MELK: variants seen among roughly 807,000 people sequenced by gnomAD.
The protein encoded by MELK is maternal embryonic leucine zipper kinase.
Under a neutral mutation model 85.0 loss-of-function variants are expected in MELK, and 81 were observed. The observed-to-expected ratio is 0.95, with a 90% CI of 0.80 to 1.15. The LOEUF is 1.15. Among genes scored for constraint, MELK ranks in the 50% most tolerant of loss-of-function variants. The probability of loss-of-function intolerance (pLI) is 0.00; values close to 1 mark genes in which losing one functional copy is unlikely to be tolerated. For missense variants in MELK, 754 were observed against 777.5 expected, an observed-to-expected ratio of 0.97 and a Z score of 0.36; for synonymous variants, 252 against 265.0, an observed-to-expected ratio of 0.95 and a Z score of 0.48.
chr9:36,676,111 T>C (rs1833324992), intron 17 of MELK, among the ~76,000 whole-genome samples: 1 of 152,236 alleles, frequency 6.6e-6, no homozygotes, highest in Non-Finnish European at 1.5e-5. Flanking sequence ...ATGCCTCATC[T>C]TCTTGTCAAG....
chr9:36,586,362 CAA>C (rs994409511), intron 3 of MELK, among the ~76,000 whole-genome samples: 3 of 150,938 alleles, frequency 2.0e-5, no homozygotes, highest in African/African-American at 7.3e-5. Context: ...AAAAAAAAGT[CAA>C]AGAGTATGTA....
intron 8 of MELK, among the ~76,000 whole-genome samples, chr9:36,615,593 T>C (rs1826629926): frequency 7.9e-6 from 1 of 125,808 alleles, no homozygotes; most frequent in African/African-American, 4.0e-5. Context: ...TCCTCACTTC[T>C]CAGACGGGGT....
In MELK at chr9:36,583,692, A is replaced by G; in HGVS notation, c.124A>G (p.Met42Val). ...TGGAGAGATGGTAGCTATAAAAATC[A>G]TGGATAAAAACACACTAGGGGTAAG... ...LTGEMVAIKI[M>V]DKNTLGSDLP... is the part of the protein sequence containing the mutation. The change falls in exon 3 of 18, where the codon ATG becomes GTG. Residue 42 changes from methionine (M) to valine (V), a missense_variant. Transcript: ENST00000298048. The G allele has an allele frequency of 6.2e-7, 1 of 1,612,056 alleles. No individual in the cohort carries two copies. Among genetic ancestry groups the G allele is most frequent in the Non-Finnish European group, 8.5e-7 (1 of 1,178,522 alleles).
At chr9:36,620,064 A>G (rs1309112830) in intron 8 of MELK, among the ~76,000 whole-genome samples, 1 of 152,184 alleles carries the variant, frequency 6.6e-6, no homozygotes, top group Non-Finnish European at 1.5e-5. Context: ...AAATGAAGGG[A>G]CAGAGACCTT....
chr9:36,651,009 C>A (rs1315554700), intron 11 of MELK, among the ~76,000 whole-genome samples: 1 of 152,170 alleles, frequency 6.6e-6, no homozygotes, highest in Non-Finnish European at 1.5e-5. Flanking sequence ...AAGAATAGCA[C>A]CCTGTGTGGT....
chr9:36,580,038 CT>C (rs58166111), intron 1 of MELK, among the ~76,000 whole-genome samples: 14,683 of 117,854 alleles, frequency 0.12, 411 homozygotes, highest in African/African-American at 0.19. Context: ...TTCATGTCTT[CT>C]TTTTTTTTTT....
intron 13 of MELK, among the ~76,000 whole-genome samples, chr9:36,659,770 T>C (rs1013612528): frequency 1.3e-5 from 2 of 152,166 alleles, no homozygotes; most frequent in Admixed American, 6.6e-5. Context: ...TGAGGTGAGA[T>C]CTTAGATCCT....
At chr9:36,584,444 A>G (rs1371871803) in intron 3 of MELK, among the ~76,000 whole-genome samples, 5 of 146,256 alleles carry the variant, frequency 3.4e-5, no homozygotes, top group African/African-American at 7.6e-5. Flanking sequence ...CAGCCTCCTG[A>G]GTAGCTGGGA....
chr9:36,629,727 C>T (rs1251947768), intron 8 of MELK, among the ~76,000 whole-genome samples: 1 of 151,806 alleles, frequency 6.6e-6, no homozygotes, highest in Non-Finnish European at 1.5e-5. Flanking sequence ...AGCTGTATGA[C>T]ATTTTTGTTT....
intron 11 of MELK, among the ~76,000 whole-genome samples, chr9:36,651,164 C>G (rs1171233862): frequency 6.6e-6 from 1 of 152,194 alleles, no homozygotes; most frequent in African/African-American, 2.4e-5. Context: ...TCCCTCCCCT[C>G]TTCTCACAAT....
At chr9:36,611,421 T>G (rs560508980) in intron 8 of MELK, among the ~76,000 whole-genome samples, 1 of 152,358 alleles carries the variant, frequency 6.6e-6, no homozygotes, top group Admixed American at 6.5e-5. Context: ...GCCTTGGCTA[T>G]GTCCATGTAC....
At chr9:36,669,767 T>TA (rs570364389) in intron 15 of MELK, among the ~76,000 whole-genome samples, 196 of 152,322 alleles carry the variant, frequency 1.3e-3, no homozygotes, top group Non-Finnish European at 2.3e-3. Context: ...ATCGTAAAGA[T>TA]ACTGTTGTTT....
intron 15 of MELK, 39 bp from the exon 16 acceptor site, chr9:36,670,959 C>A: frequency 6.4e-7 from 1 of 1,570,146 alleles, no homozygotes; most frequent in Non-Finnish European, 8.6e-7. Context: ...AGGCCGGAGG[C>A]CCAGCTCTAC....
At chr9:36,600,626 C>T (rs1341492829) in intron 7 of MELK, among the ~76,000 whole-genome samples, 1 of 152,160 alleles carries the variant, frequency 6.6e-6, no homozygotes, top group Non-Finnish European at 1.5e-5. Flanking sequence ...ACCTCGTGAT[C>T]CGCCTGCCTC....
Position 36,674,889 on chromosome 9 carries a change from A to G in MELK, c.1730A>G (p.Glu577Gly). Residue 577 changes from glutamate (E) to glycine (G), a missense_variant, in exon 17 of 18, where the codon GAA (glutamate) becomes GGA (glycine). By Grantham distance (98) the Glu-to-Gly change is moderately conservative. Coordinates refer to ENST00000298048, the MANE Select transcript of MELK (RefSeq NM_014791.4). Reference sequence around the variant, plus strand: ...GTGAATCCAGATCAACTGTTGAATGAAATAATGTCTATTCTTCCAAAGAAG... The same window carrying G: ...GTGAATCCAGATCAACTGTTGAATGGAATAATGTCTATTCTTCCAAAGAAG... ...RLVNPDQLLN[E>G]IMSILPKKHV... 1 of 1,600,494 alleles carries G rather than the reference A, an allele frequency of 6.2e-7. No homozygotes were observed. The highest frequency in any genetic ancestry group is 1.3e-5 in the African/African-American group (1 of 74,870).
At chr9:36,608,277 CAAAAAA>C (rs1161984583) in intron 8 of MELK, among the ~76,000 whole-genome samples, 4 of 38,916 alleles carry the variant, frequency 1.0e-4, no homozygotes, top group Non-Finnish European at 2.3e-4. Flanking sequence ...GACTCTGTCT[CAAAAAA>C]AAAAAAAAAA....
intron 15 of MELK, 27 bp downstream of exon 15, chr9:36,669,433 A>G (rs1318101102): frequency 6.8e-7 from 1 of 1,467,474 alleles, no homozygotes; most frequent in Non-Finnish European, 9.3e-7. Flanking sequence ...TTTAGACTCT[A>G]ATCTTTAGTA....
intron 9 of MELK, among the ~76,000 whole-genome samples, chr9:36,630,964 T>G (rs879850236): frequency 1.4e-5 from 2 of 146,538 alleles, no homozygotes; most frequent in African/African-American, 5.1e-5. Flanking sequence ...CCAGCTCTTT[T>G]TTTTTTTTTT....
intron 12 of MELK, among the ~76,000 whole-genome samples, chr9:36,656,245 A>G (rs1007496002): frequency 7.9e-5 from 12 of 152,206 alleles, no homozygotes; most frequent in African/African-American, 2.7e-4. Context: ...GAAGAAACCT[A>G]TATTTCGAAG....
Sources: allele counts gnomAD v4.1 joint callset (sites outside exome capture counted in the v4.1 genomes callset), GRCh38; gene constraint gnomAD v4.1.1; transcripts MANE v1.5; gene names NCBI Gene and HGNC (gene_info 2026-07-23, HGNC 2026-07-21).